Variants in KDM6B observed in about 807,000 individuals in gnomAD.
KDM6B encodes the protein lysine demethylase 6B, also known as lysine-specific demethylase 6B.
In KDM6B, 22 loss-of-function variants were observed where a neutral mutation model predicts 150.4. The observed-to-expected ratio is 0.15, with a 90% confidence interval of 0.10 to 0.21. The LOEUF (loss-of-function observed/expected upper bound fraction) is 0.21. Among genes scored for constraint, KDM6B ranks in the 10% least tolerant of loss-of-function variants. KDM6B has a pLI of 1.00. For synonymous variants in KDM6B, 1,148 were observed against 921.1 expected, an observed-to-expected ratio of 1.25 and a Z score of -4.46; for missense variants, 1,984 against 2,234.3, an observed-to-expected ratio of 0.89 and a Z score of 2.26.
chr17:7,839,266 A>G (rs1053097789), intron 1 of KDM6B, among the ~76,000 whole-genome samples: 9 of 152,140 alleles, frequency 5.9e-5, no homozygotes, highest in African/African-American at 1.9e-4. Context: ...AAGAGGAAGG[A>G]GGTGATGGGG....
rs1260229365 is a variant in KDM6B, at chr17:7,834,844, C to A, written c.-388+494C>A. Among the ~76,000 whole-genome samples the A allele has an allele frequency of 2.0e-5, 3 of 152,178 alleles. No individual in the cohort carries two copies. In the South Asian group the frequency reaches 6.2e-4, roughly 32 times the overall value. ...ACCTTCCCACCAGCGGCCCCGAGAG[C>A]TTCCCAGCGGTAGCCTTCGCCTTCT... On this transcript the variant is annotated intron_variant, in intron 1 of 23. Coordinates refer to ENST00000448097, the MANE Select transcript of KDM6B (RefSeq NM_001348716.2).
Position 7,853,696 on chromosome 17 carries a change from T to A in KDM6B, c.*175T>A, listed in dbSNP as rs2078752021. The A allele has an allele frequency of 4.9e-6, 2 of 411,692 alleles. No homozygotes were observed. The highest frequency in any genetic ancestry group is 7.9e-6 in the Non-Finnish European group (2 of 252,234). The allele number at this position is 411,692 out of a possible 1,614,324, so 25.5% of individuals were successfully genotyped here. A position where few individuals can be genotyped will look rare whatever the true frequency, so the allele number is the denominator to read the frequency against. Reference sequence around the variant, plus strand: ...TTAAGAAAAACTTTTTTTTTTTTTTTAGCAAATATGAGGAAAAAAGGAAAA... The same window carrying A: ...TTAAGAAAAACTTTTTTTTTTTTTTAAGCAAATATGAGGAAAAAAGGAAAA... On this transcript the variant is annotated 3_prime_UTR_variant, in exon 24 of 24. Transcript: ENST00000448097.
Position 7,843,662 on chromosome 17 carries a change from G to A in KDM6B, c.-268-1239G>A, listed in dbSNP as rs937209075. ...ACTCTCCCCCGGCTTCCTGCCCGGC[G>A]CTCGCTCCAGCTGGAGCGCTGGCCC... On this transcript the variant is annotated intron_variant, in intron 2 of 23. Transcript: ENST00000448097. This position sits in a 1 kb window ranked among gnomAD's most constrained non-coding sequence, Gnocchi z 4.5. Among the ~76,000 whole-genome samples the A allele has an allele frequency of 6.6e-6, 1 of 151,810 alleles. No individual in the cohort carries two copies. The highest frequency in any genetic ancestry group is 2.4e-5 in the African/African-American group (1 of 41,306).
Position 7,847,983 on chromosome 17 carries a change from T to G in KDM6B, c.1695T>G (p.Pro565=). ...NSNSGSHSSS[P]AGPVSFPPPP... ...ACAGTGGCAGCCACAGCAGCAGCCCTGCTGGGCCTGTGTCCTTTCCCCCAC... is the reference window on the plus strand; with the variant it reads ...ACAGTGGCAGCCACAGCAGCAGCCCGGCTGGGCCTGTGTCCTTTCCCCCAC... The change falls in exon 12 of 24, where the codon CCT becomes CCG. Residue 565 remains proline, a synonymous_variant. Coordinates refer to ENST00000448097, the MANE Select transcript of KDM6B (RefSeq NM_001348716.2). The G allele has an allele frequency of 6.2e-7, 1 of 1,604,264 alleles. No individual in the cohort carries two copies. The highest frequency in any genetic ancestry group is 8.5e-7 in the Non-Finnish European group (1 of 1,176,504).
intron 17 of KDM6B, 49 bp downstream of exon 17, chr17:7,851,598 C>T (rs745484148): frequency 3.7e-6 from 6 of 1,609,730 alleles, no homozygotes; most frequent in Middle Eastern, 1.6e-4. Flanking sequence ...GCTGCTAGGA[C>T]CTCGTGGCGG....
Position 7,847,028 on chromosome 17 carries a change from C to T in KDM6B, c.909+12C>T. The T allele has an allele frequency of 6.2e-7, 1 of 1,612,896 alleles. No homozygotes were observed. The highest frequency in any genetic ancestry group is 8.5e-7 in the Non-Finnish European group (1 of 1,179,220). The stretch of plus-strand genomic sequence containing the variant: ...CCCCAGAGCGCCAGGTGAGCCCCTG[C>T]CTGTTGCCTTTCACCTCTCACCTAC... On this transcript the variant is annotated intron_variant, in intron 10 of 23. Coordinates refer to ENST00000448097, the MANE Select transcript of KDM6B (RefSeq NM_001348716.2).
chr17:7,852,103 C>G (rs774794694), intron 19 of KDM6B, 38 bp downstream of exon 19: 5 of 1,613,714 alleles, frequency 3.1e-6, no homozygotes, highest in Non-Finnish European at 3.4e-6. Flanking sequence ...TGCCGCGTCC[C>G]CGCCCTCGGT....
chr17:7,846,439 C>G lies in KDM6B; in HGVS notation c.496C>G (p.Arg166Gly), dbSNP rs2078539742. ...CTTTCATACTGGCTCCTGCCAGCACCGAGCCAAGGTCCTGCCCCCACTGGA... is the reference window on the plus strand; with the variant it reads ...CTTTCATACTGGCTCCTGCCAGCACGGAGCCAAGGTCCTGCCCCCACTGGA... ...WNFHTGSCQH[R>G]AKVLPPLEQV... Residue 166 changes from arginine (R) to glycine (G), a missense_variant, in exon 8 of 24, where the codon CGA becomes GGA. Coordinates refer to ENST00000448097, the MANE Select transcript of KDM6B (RefSeq NM_001348716.2). 6.2e-7 allele frequency: 1 copy of G among 1,613,508 alleles called. No homozygotes were observed. The highest frequency in any genetic ancestry group is 8.5e-7 in the Non-Finnish European group (1 of 1,179,778).
chr17:7,846,672 T>A lies in KDM6B; in HGVS notation c.643T>A (p.Ser215Thr). ...GCAGCCTGTGCCTCCTGCAGCACTC[T>A]CAGGCCCCTCAGGGGAGGAGGGCCT... is the stretch of plus-strand genomic sequence containing the variant. ...VVQPVPPAALSGPSGEEGLSP... is the reference protein window; with the variant it reads ...VVQPVPPAALTGPSGEEGLSP... The change falls in exon 9 of 24, where the codon TCA (serine) becomes ACA (threonine). Residue 215 changes from serine to threonine, a missense_variant. Ser to Thr is a moderately conservative substitution (Grantham distance 58, BLOSUM62 1). Coordinates refer to ENST00000448097, the MANE Select transcript of KDM6B (RefSeq NM_001348716.2). 1 of 1,614,094 alleles carries A rather than the reference T, an allele frequency of 6.2e-7. No homozygotes were observed. The highest frequency in any genetic ancestry group is 8.5e-7 in the Non-Finnish European group (1 of 1,179,970).
rs147885716 is a variant in KDM6B at position 7,848,459 on chromosome 17, C to T, written c.2171C>T (p.Pro724Leu). ...QHEAGVAPQP[P>L]LKEPFASLQS... is the part of the protein sequence containing the mutation. ...GAAGCAGGCGTGGCCCCCCAACCCCCGCTGAAGGAGCCCTTTGCATCTCTG... is the reference window on the plus strand; with the variant it reads ...GAAGCAGGCGTGGCCCCCCAACCCCTGCTGAAGGAGCCCTTTGCATCTCTG... The change falls in exon 12 of 24, where the codon CCG becomes CTG. Residue 724 changes from proline (P) to leucine (L), a missense_variant. By Grantham distance (98) the Pro-to-Leu change is moderately conservative. Around this residue, in one of 13 missense-constraint regions of KDM6B, gnomAD observed 1,379 missense variants for 1,275.6 expected, o/e 1.08. Transcript: ENST00000448097. 358 of 1,612,452 alleles carry T rather than the reference C, an allele frequency of 2.2e-4. No homozygotes were observed. The highest frequency in any genetic ancestry group is 3.3e-4 in the Admixed American group (20 of 60,022).
At position 7,849,564 on chromosome 17, in the gene KDM6B, G is replaced by T; in HGVS notation, c.3276G>T (p.Leu1092=). 6.2e-7 allele frequency: 1 copy of T among 1,612,836 alleles called. No homozygotes were observed. Among genetic ancestry groups the T allele is most frequent in the Non-Finnish European group, 8.5e-7 (1 of 1,179,984 alleles). The change falls in exon 12 of 24, where the codon CTG becomes CTT. Residue 1092 remains leucine (L), a synonymous_variant. Transcript: ENST00000448097. ...PGVSRADMLK[L]RSLSEGPPKE... ...TCAGCCGGGCCGACATGCTGAAGCT[G>T]CGCTCACTTAGTGAGGGGCCCCCCA...
intron 14 of KDM6B, 64 bp from the exon 15 acceptor site, chr17:7,850,957 G>GATTGGGTCC: frequency 7.1e-7 from 1 of 1,418,172 alleles, no homozygotes; most frequent in Non-Finnish European, 9.7e-7. Context: ...GGAAAGGGTC[G>GATTGGGTCC]ATTGGGTCCT....
At chr17:7,846,055 C>T (rs754315674) in intron 6 of KDM6B, 23 bp from the exon 7 acceptor site, 1 of 1,427,948 alleles carries the variant, frequency 7.0e-7, no homozygotes, top group Non-Finnish European at 9.7e-7. Flanking sequence ...CCCACCCACA[C>T]CCCCACCCCT....
At chr17:7,840,800 GAAT>G (rs2078402664) in intron 2 of KDM6B, 1 of 152,174 alleles carries the variant, frequency 6.6e-6, no homozygotes, top group African/African-American at 2.4e-5. Flanking sequence ...GATTTGTGTT[GAAT>G]AATGTTAACT....
At position 7,848,780 on chromosome 17, in the gene KDM6B, C is replaced by T. The variant is rs780225189; in HGVS notation, c.2492C>T (p.Pro831Leu). Residue 831 changes from proline (P) to leucine (L), a missense_variant, in exon 12 of 24, where the codon CCC (proline) becomes CTC (leucine). Transcript: ENST00000448097. ...TGAAVSTRPG[P>L]LPTTQYSPGP... ...GCAGCTGTTTCCACCCGGCCTGGGC[C>T]CTTGCCCACCACTCAGTATTCCCCT... 1.9e-6 allele frequency: 3 copies of T among 1,612,860 alleles called. No individual in the cohort carries two copies. The highest frequency in any genetic ancestry group is 2.5e-6 in the Non-Finnish European group (3 of 1,180,004).
chr17:7,845,884 C>T lies in KDM6B; in HGVS notation c.150C>T (p.Ser50=), dbSNP rs372282783. The T allele has an allele frequency of 2.0e-5, 32 of 1,613,674 alleles. No individual in the cohort carries two copies. The highest frequency in any genetic ancestry group is 6.7e-5 in the East Asian group (3 of 44,882). ...CTTCTCTCTCCAGATGCTCAGCCAG[C>T]ATTGGGCAGCCCCCGCTTCCTGCTC... ...AWLPGGRCSA[S]IGQPPLPAPL... The change falls in exon 6 of 24, where the codon AGC becomes AGT. Residue 50 remains serine, a synonymous_variant. Transcript: ENST00000448097.
In KDM6B at chr17:7,849,512, G is replaced by T. The variant is rs769034818; in HGVS notation, c.3224G>T (p.Arg1075Leu). The T allele has an allele frequency of 1.2e-6, 2 of 1,612,726 alleles. No homozygotes were observed. The highest frequency in any genetic ancestry group is 1.7e-6 in the Non-Finnish European group (2 of 1,179,966). Reference sequence around the variant, plus strand: ...GCCTCTGTCCCTGGAAAGAAGGCTCGGGAGGAAGCCCCAGGGCCACCGGGT... The same window carrying T: ...GCCTCTGTCCCTGGAAAGAAGGCTCTGGAGGAAGCCCCAGGGCCACCGGGT... ...PSASVPGKKA[R>L]EEAPGPPGVS... The change falls in exon 12 of 24, where the codon CGG becomes CTG. Residue 1075 changes from arginine (R) to leucine (L), a missense_variant. Physicochemically the swap from Arg to Leu is moderately radical, Grantham distance 102 (BLOSUM62 -2). Around this residue, in one of 13 missense-constraint regions of KDM6B, gnomAD observed 1,379 missense variants for 1,275.6 expected, o/e 1.08. Transcript: ENST00000448097.
chr17:7,836,955 C>T (rs1234129918), intron 1 of KDM6B, among the ~76,000 whole-genome samples: 4 of 152,168 alleles, frequency 2.6e-5, no homozygotes, highest in African/African-American at 9.7e-5. Flanking sequence ...GAGTCCAGTT[C>T]CAGTCCCGTG....
Position 7,848,540 on chromosome 17 carries a change from TCACCACCACCACCACCAC to T in KDM6B, c.2268_2285del (p.Thr757_Thr762del), listed in dbSNP as rs59627144. 3.2e-6 allele frequency: 5 copies of T among 1,575,880 alleles called. No individual in the cohort carries two copies. Among genetic ancestry groups the T allele is most frequent in the Admixed American group, 3.5e-5 (2 of 57,298 alleles). On this transcript the variant is annotated inframe_deletion, in exon 12 of 24. Coordinates refer to ENST00000448097, the MANE Select transcript of KDM6B (RefSeq NM_001348716.2). ...ACCACTACTGCTCCTGCTGTCGCCG[TCACCACCACCACCACCAC>T]CACCACCACCACCACGGCCACCCAG...
Sources: gnomAD v4.1 joint callset for allele counts (sites outside exome capture counted in the v4.1 genomes callset) on GRCh38, gnomAD v4.1.1 for gene constraint, gnomAD v4.1.1 regional missense constraint, Gnocchi (gnomAD v3.1) non-coding constraint, MANE v1.5 for transcripts, NCBI Gene and HGNC (gene_info 2026-07-23, HGNC 2026-07-21) for gene names.